Variants in NALCN observed in about 807,000 individuals in gnomAD.
NALCN encodes the protein sodium leak channel NALCN.
In NALCN, 111 loss-of-function variants were observed where a neutral mutation model predicts 225.3. That is an observed-to-expected ratio of 0.49 (90% CI 0.42 to 0.58). NALCN has a LOEUF of 0.58. NALCN is among the 20% of genes least tolerant of loss of function. The pLI is 0.00. For synonymous variants in NALCN, 764 were observed against 769.0 expected, an observed-to-expected ratio of 0.99 and a Z score of 0.11; for missense variants, 1,378 against 2,202.4, an observed-to-expected ratio of 0.63 and a Z score of 7.49.
intron 6 of NALCN, among the ~76,000 whole-genome samples, chr13:101,361,097 T>C (rs1194998592): frequency 2.0e-5 from 3 of 152,212 alleles, no homozygotes; most frequent in Non-Finnish European, 4.4e-5. Context: ...ATCAGTATTT[T>C]TTACAACTTT....
At chr13:101,194,730 A>G (rs750977646) in intron 13 of NALCN, among the ~76,000 whole-genome samples, 37 of 152,334 alleles carry the variant, frequency 2.4e-4, no homozygotes, top group Admixed American at 5.2e-4. Flanking sequence ...CTGGCTGGGC[A>G]TGATGGCTCA....
At chr13:101,195,350 A>G (rs1566414701) in intron 13 of NALCN, among the ~76,000 whole-genome samples, 1 of 152,182 alleles carries the variant, frequency 6.6e-6, no homozygotes, top group Non-Finnish European at 1.5e-5. Context: ...ATTTTCCCCT[A>G]TACATTTCTT....
At chr13:101,124,546 T>C (rs780502944) in intron 18 of NALCN, 62 bp downstream of exon 18, 514 of 1,414,180 alleles carry the variant, frequency 3.6e-4, no homozygotes, top group Non-Finnish European at 4.9e-4. Flanking sequence ...TTCAAAAAGC[T>C]ATTTTTCGAT....
At chr13:101,285,524 T>C (rs1003691358) in intron 9 of NALCN, among the ~76,000 whole-genome samples, 3 of 152,152 alleles carry the variant, frequency 2.0e-5, no homozygotes, top group Non-Finnish European at 4.4e-5. Flanking sequence ...CAGGGTGGTT[T>C]TGAACTCCTG....
At chr13:101,180,385 T>G (rs1341228462) in intron 14 of NALCN, 1 of 138,244 alleles carries the variant, frequency 7.2e-6, no homozygotes, top group African/African-American at 2.6e-5. Flanking sequence ...TTTTTTTTTT[T>G]TTTATTTTTT....
intron 13 of NALCN, among the ~76,000 whole-genome samples, chr13:101,221,661 A>AT (rs1321747852): frequency 1.3e-5 from 2 of 152,144 alleles, no homozygotes; most frequent in Admixed American, 6.5e-5. Flanking sequence ...TGACCATTGT[A>AT]TTCAACACAC....
chr13:101,109,497 AATAAGAG>A (rs1341185532), intron 20 of NALCN, among the ~76,000 whole-genome samples: 1 of 152,224 alleles, frequency 6.6e-6, no homozygotes, highest in Non-Finnish European at 1.5e-5. Flanking sequence ...AAGCTCAAGA[AATAAGAG>A]ATAAGTGGTG....
chr13:101,235,159 A>G (rs1048564409), intron 12 of NALCN, among the ~76,000 whole-genome samples: 3 of 152,008 alleles, frequency 2.0e-5, no homozygotes. Flanking sequence ...GTTATAAAAA[A>G]CTCATCACAA....
intron 28 of NALCN, among the ~76,000 whole-genome samples, chr13:101,092,431 C>T (rs9513850): frequency 0.065 from 9,937 of 152,278 alleles, 355 homozygotes; most frequent in South Asian, 0.11. Context: ...CTACAGCACC[C>T]CAACGCTTTT....
intron 2 of NALCN, among the ~76,000 whole-genome samples, chr13:101,397,194 T>C (rs1342159286): frequency 5.4e-5 from 8 of 148,132 alleles, no homozygotes; most frequent in Non-Finnish European, 1.0e-4. Context: ...TAAATACACA[T>C]ACATGTAAAC....
chr13:101,216,198 C>A (rs1307114023), intron 13 of NALCN, among the ~76,000 whole-genome samples: 1 of 151,986 alleles, frequency 6.6e-6, no homozygotes, highest in East Asian at 1.9e-4. Flanking sequence ...TAAAATACAG[C>A]TCCATGTACT....
At chr13:101,231,307 T>G (rs1403059457) in intron 12 of NALCN, among the ~76,000 whole-genome samples, 1 of 152,194 alleles carries the variant, frequency 6.6e-6, no homozygotes, top group Non-Finnish European at 1.5e-5. Context: ...CTCATTTGTT[T>G]AACAAACCTT....
intron 14 of NALCN, among the ~76,000 whole-genome samples, chr13:101,186,496 A>G (rs1336305101): frequency 6.6e-6 from 1 of 152,230 alleles, no homozygotes; most frequent in African/African-American, 2.4e-5. Context: ...GAAAAGAGAA[A>G]CAACTGCTGA....
intron 1 of NALCN, among the ~76,000 whole-genome samples, chr13:101,401,245 G>T (rs1331662596): frequency 6.6e-6 from 1 of 151,978 alleles, no homozygotes; most frequent in South Asian, 2.1e-4. Flanking sequence ...TTGGAGTTTG[G>T]GACTCTTTGA....
intron 7 of NALCN, among the ~76,000 whole-genome samples, chr13:101,330,497 G>C (rs937579075): frequency 6.6e-6 from 1 of 152,148 alleles, no homozygotes; most frequent in African/African-American, 2.4e-5. Context: ...CTCCAGCTCA[G>C]AAAAAAGCAG....
chr13:101,352,710 AG>A (rs774573134), intron 6 of NALCN, among the ~76,000 whole-genome samples: 4 of 152,202 alleles, frequency 2.6e-5, no homozygotes, highest in Non-Finnish European at 5.9e-5. Context: ...AGGACAAAAA[AG>A]GTCAAAAGAT....
At chr13:101,208,565 G>T (rs2040408695) in intron 13 of NALCN, among the ~76,000 whole-genome samples, 1 of 152,192 alleles carries the variant, frequency 6.6e-6, no homozygotes, top group African/African-American at 2.4e-5. Context: ...AATATATGGT[G>T]ATATGGTTTG....
intron 10 of NALCN, among the ~76,000 whole-genome samples, chr13:101,267,585 G>A (rs75711151): frequency 1.3e-5 from 2 of 152,194 alleles, no homozygotes; most frequent in African/African-American, 4.8e-5. Context: ...AATTACTCTT[G>A]CTGCTCTTGG....
At chr13:101,332,397 C>CAAAAAAAAAAAA (rs753158247) in intron 7 of NALCN, among the ~76,000 whole-genome samples, 13 of 57,818 alleles carry the variant, frequency 2.2e-4, no homozygotes, top group South Asian at 7.3e-4. Context: ...TTCACAAAGC[C>CAAAAAAAAAAAA]AAAAAAAAAA....
Sources: gnomAD v4.1 joint callset for allele counts (sites outside exome capture counted in the v4.1 genomes callset) on GRCh38, gnomAD v4.1.1 for gene constraint, MANE v1.5 for transcripts, NCBI Gene and HGNC (gene_info 2026-07-23, HGNC 2026-07-21) for gene names.